Variants in HOXB3 observed in about 807,000 individuals in gnomAD.
The protein encoded by HOXB3 is homeobox B3.
A neutral mutation model predicts 29.2 loss-of-function variants in HOXB3; 17 were observed. That is an observed-to-expected ratio of 0.58 (90% confidence interval 0.40 to 0.87). The LOEUF (loss-of-function observed/expected upper bound fraction) is 0.87, where lower values mean the gene tolerates loss of function less well. Among genes scored for constraint, HOXB3 ranks in the 40% least tolerant of loss-of-function variants. HOXB3 has a pLI of 0.00. For synonymous variants in HOXB3, 317 were observed against 285.9 expected (o/e 1.11, Z -1.10); for missense variants, 637 against 616.3 (o/e 1.03, Z -0.35).
intron 2 of HOXB3, among the ~76,000 whole-genome samples, chr17:48,569,408 CACTT>C (rs1220980739): frequency 6.6e-6 from 1 of 151,926 alleles, no homozygotes; most frequent in Non-Finnish European, 1.5e-5. Context: ...CATGGACACA[CACTT>C]ACCCACAGCC....
Position 48,550,160 on chromosome 17 carries a change from C to G in HOXB3, c.*174G>C. The G allele has an allele frequency of 1.2e-6, 1 of 801,068 alleles. No individual in the cohort carries two copies. 49.6% of individuals were successfully genotyped at this position (801,068 alleles called of 1,614,324 possible). On this transcript the variant is annotated 3_prime_UTR_variant, in exon 5 of 5. Transcript: ENST00000498678. Reference sequence around the variant, plus strand: ...GGCAGATGGAACAAGGGGTGGAAGACTTAAAAGCAACCTCTCAGGCCAGGG... The same window carrying G: ...GGCAGATGGAACAAGGGGTGGAAGAGTTAAAAGCAACCTCTCAGGCCAGGG...
At chr17:48,585,911 T>A (rs1281235243) in intron 1 of HOXB3, among the ~76,000 whole-genome samples, 1 of 152,190 alleles carries the variant, frequency 6.6e-6, no homozygotes, top group African/African-American at 2.4e-5. Flanking sequence ...GCCTGGGTCA[T>A]CTTTTGGTAA....
intron 2 of HOXB3, among the ~76,000 whole-genome samples, chr17:48,561,183 A>AACACACACAC (rs530713063): frequency 0.16 from 20,298 of 125,146 alleles, 2,090 homozygotes; most frequent in Non-Finnish European, 0.2. Context: ...TCCGTCTCAA[A>AACACACACAC]ACACACACAC....
At position 48,552,442 on chromosome 17, in the gene HOXB3, C is replaced by CGCG. The variant is rs1489241634; in HGVS notation, c.30_32dup (p.Ala13dup). The CGCG allele has an allele frequency of 2.8e-5, 44 of 1,587,672 alleles. No homozygotes were observed. Among genetic ancestry groups the CGCG allele is most frequent in the Non-Finnish European group, 3.3e-5 (39 of 1,164,262 alleles). On this transcript the variant is annotated inframe_insertion, in exon 4 of 5. Transcript: ENST00000498678. The stretch of plus-strand genomic sequence containing the variant: ...AGGAATAGCCTCCGAAGAGAGCAGC[C>CGCG]GCGGCGTTGTCGTAGTAGGTGGCTT...
intron 1 of HOXB3, among the ~76,000 whole-genome samples, chr17:48,585,032 C>T (rs1432710077): frequency 3.3e-5 from 5 of 151,892 alleles, no homozygotes; most frequent in African/African-American, 4.8e-5. Flanking sequence ...GGCCTCACCA[C>T]CCAGGGTCTC....
intron 4 of HOXB3, 167 bp from the exon 5 acceptor site, chr17:48,551,348 C>A (rs934202332): frequency 7.7e-5 from 58 of 753,154 alleles, no homozygotes; most frequent in Non-Finnish European, 1.2e-5. Context: ...CCCACCCCAC[C>A]GCCCGTCGCA....
chr17:48,568,497 G>C (rs2069463743), intron 2 of HOXB3, among the ~76,000 whole-genome samples: 1 of 152,202 alleles, frequency 6.6e-6, no homozygotes, highest in Admixed American at 6.5e-5. Flanking sequence ...CAGAGAGGGA[G>C]GAAGTGCCTC....
In HOXB3 at chr17:48,550,214, G is replaced by A; in HGVS notation, c.*120C>T. ...AGGGAAGGAGCTCCAGGCCGGTTCT[G>A]ACCAGGAAGCCTGGGTACCACCTTC... On this transcript the variant is annotated 3_prime_UTR_variant, in exon 5 of 5. Transcript: ENST00000498678. The A allele has an allele frequency of 5.8e-6, 8 of 1,390,650 alleles. No individual in the cohort carries two copies. The highest frequency in any genetic ancestry group is 7.8e-6 in the Non-Finnish European group (8 of 1,023,260). 86.1% of individuals were successfully genotyped at this position (1,390,650 alleles called of 1,614,324 possible).
rs2068612805 is a variant in HOXB3 at position 48,548,879 on chromosome 17, T to C, written c.*1455A>G. 1 of 152,270 alleles carries C rather than the reference T, an allele frequency of 6.6e-6. No individual in the cohort carries two copies. The highest frequency in any genetic ancestry group is 2.4e-5 in the African/African-American group (1 of 41,440). The allele number at this position is 152,270 out of a possible 1,614,324, so 9.4% of individuals were successfully genotyped here. A position where few individuals can be genotyped will look rare whatever the true frequency, so the allele number is the denominator to read the frequency against. On this transcript the variant is annotated 3_prime_UTR_variant, in exon 5 of 5. Coordinates refer to ENST00000498678, the MANE Select transcript of HOXB3 (RefSeq NM_001384749.1). ...GACCACCAGGACAAGATAAAATTGA[T>C]AACAGAAAGTTTATTCAAGAATTGT...
chr17:48,556,778 G>A (rs922526834), intron 2 of HOXB3: 1 of 152,162 alleles, frequency 6.6e-6, no homozygotes, highest in Admixed American at 6.5e-5. Flanking sequence ...TCTCACCTCC[G>A]AATAGGCAGA....
chr17:48,588,394 A>G (rs938136131), intron 1 of HOXB3, among the ~76,000 whole-genome samples: 3 of 152,244 alleles, frequency 2.0e-5, no homozygotes, highest in African/African-American at 7.2e-5. Context: ...CAGAACTGAC[A>G]TGAGAGGGGG....
intron 1 of HOXB3, chr17:48,575,003 T>C (rs1175331278): frequency 6.6e-6 from 1 of 152,230 alleles, no homozygotes; most frequent in African/African-American, 2.4e-5. Context: ...CAAAAAATTA[T>C]ACTCATTAAA....
At position 48,552,578 on chromosome 17, in the gene HOXB3, C is replaced by T. The variant is rs1267808866; in HGVS notation, c.-104G>A. 9.2e-6 allele frequency: 7 copies of T among 759,896 alleles called. No homozygotes were observed. Among genetic ancestry groups the T allele is most frequent in the Non-Finnish European group, 1.4e-5 (7 of 496,492 alleles). The allele number at this position is 759,896 out of a possible 1,614,324, so 47.1% of individuals were successfully genotyped here. On this transcript the variant is annotated 5_prime_UTR_variant, in exon 4 of 5. Transcript: ENST00000498678. ...GGTCACGTGACACGCCGGACCCCCCCCCCCCACCTCCCCTCTCTGCCCCCC... is the reference window on the plus strand; with the variant it reads ...GGTCACGTGACACGCCGGACCCCCCTCCCCCACCTCCCCTCTCTGCCCCCC...
intron 1 of HOXB3, chr17:48,578,528 C>T (rs1363069997): frequency 3.6e-6 from 2 of 558,944 alleles, no homozygotes; most frequent in Non-Finnish European, 3.0e-6. Flanking sequence ...GGTTTATTTC[C>T]CCTTCTTCCC....
Position 48,555,579 on chromosome 17 carries a change from T to G in HOXB3, c.-207A>C. The stretch of plus-strand genomic sequence containing the variant: ...CAGGCAGACATAATATATATTCACA[T>G]CGAGCCCCAGAGCGAGCGGCAGGCG... On this transcript the variant is annotated 5_prime_UTR_variant, in exon 3 of 5. An upstream start codon of the reference 5' UTR is lost. Transcript: ENST00000498678. 1.4e-6 allele frequency: 1 copy of G among 702,518 alleles called. No homozygotes were observed. The highest frequency in any genetic ancestry group is 2.6e-6 in the Non-Finnish European group (1 of 384,772). The allele number at this position is 702,518 out of a possible 1,614,324, so 43.5% of individuals were successfully genotyped here. A position where few individuals can be genotyped will look rare whatever the true frequency, so the allele number is the denominator to read the frequency against.
intron 3 of HOXB3, 174 bp downstream of exon 3, chr17:48,555,357 A>G (rs868232233): frequency 0.056 from 21,478 of 383,620 alleles, 154 homozygotes; most frequent in African/African-American, 0.078. Context: ...AGAGAGAGAG[A>G]GAGAGAGGGA....
chr17:48,576,896 C>T (rs138753340), intron 1 of HOXB3: 4 of 1,614,236 alleles, frequency 2.5e-6, no homozygotes, highest in Admixed American at 1.7e-5. Flanking sequence ...CGTGGGCGAT[C>T]TCCACCCTCC....
intron 1 of HOXB3, chr17:48,579,723 G>A (rs1354989379): frequency 3.7e-6 from 1 of 268,758 alleles, no homozygotes; most frequent in Admixed American, 6.0e-5. Context: ...GTTGAAGGAG[G>A]AAAAGATAGA....
Position 48,551,557 on chromosome 17 carries a change from G to A in HOXB3, c.449-376C>T, listed in dbSNP as rs150066210. Among the ~76,000 whole-genome samples, 12 of 152,238 alleles carry A rather than the reference G, an allele frequency of 7.9e-5. No homozygotes were observed. In the East Asian group the frequency reaches 2.3e-3, roughly 29 times the overall value. On this transcript the variant is annotated intron_variant, in intron 4 of 4. Coordinates refer to ENST00000498678, the MANE Select transcript of HOXB3 (RefSeq NM_001384749.1). Reference sequence around the variant, plus strand: ...GACATTTCCCCTCCCCGCCCACCCCGTCCTGAGGACAGGATGGGAGACTGA... The same window carrying A: ...GACATTTCCCCTCCCCGCCCACCCCATCCTGAGGACAGGATGGGAGACTGA...
Sources: allele counts gnomAD v4.1 joint callset (sites outside exome capture counted in the v4.1 genomes callset), GRCh38; gene constraint gnomAD v4.1.1; transcripts MANE v1.5; gene names NCBI Gene and HGNC (gene_info 2026-07-23, HGNC 2026-07-21).